AK7: variants seen among roughly 807,000 people sequenced by gnomAD.
The protein encoded by AK7 is ATP-AMP transphosphorylase 7.
In AK7, 78 loss-of-function variants were observed where a neutral mutation model predicts 96.6. The ratio of observed to expected loss-of-function variants is 0.81; its 90% CI spans 0.67 to 0.97. AK7 has a LOEUF of 0.97. Among genes scored for constraint, AK7 ranks in the 50% least tolerant of loss-of-function variants. The pLI, the probability that AK7 is intolerant of heterozygous loss-of-function variation, is 0.00. For synonymous variants in AK7, 302 were observed against 317.2 expected (o/e 0.95, Z 0.51); for missense variants, 855 against 887.9 (o/e 0.96, Z 0.47).
At chr14:96,406,084 T>C (rs555079924) in intron 3 of AK7, among the ~76,000 whole-genome samples, 8 of 151,952 alleles carry the variant, frequency 5.3e-5, no homozygotes, top group Non-Finnish European at 1.0e-4. Context: ...GGCAAGATCT[T>C]GCTCTGTCAC....
chr14:96,442,772 G>A lies in AK7; in HGVS notation c.733G>A (p.Asp245Asn), dbSNP rs750987024. The change falls in exon 7 of 18, where the codon GAT (aspartate) becomes AAT (asparagine). Residue 245 changes from aspartate (D) to asparagine (N), a missense_variant. By Grantham distance (23) the Asp-to-Asn change is conservative (BLOSUM62 1). Transcript: ENST00000267584. ...GATTCCTGCATTACCAGTTTTTGGCGATGGAACAAATGTAATTCCAACAAT... is the reference window on the plus strand; with the variant it reads ...GATTCCTGCATTACCAGTTTTTGGCAATGGAACAAATGTAATTCCAACAAT... The part of the protein sequence containing the change: ...GEIPALPVFG[D>N]GTNVIPTIHV... 8.7e-6 allele frequency: 14 copies of A among 1,614,076 alleles called. 1 individual carries two copies. In the East Asian group the frequency reaches 1.3e-4, roughly 15 times the overall value.
intron 15 of AK7, among the ~76,000 whole-genome samples, chr14:96,480,229 C>G (rs1895436835): frequency 6.6e-6 from 1 of 152,106 alleles, no homozygotes. Flanking sequence ...GTCAGGAGTT[C>G]AAGACCAGCA....
chr14:96,424,232 A>G, intron 5 of AK7: 1 of 458,246 alleles, frequency 2.2e-6, no homozygotes, highest in Non-Finnish European at 3.9e-6. Flanking sequence ...GGCCGAGCGG[A>G]GCGCGCAGCC....
At chr14:96,446,446 C>A in intron 7 of AK7, 71 bp from the exon 8 acceptor site, 2 of 1,295,072 alleles carry the variant, frequency 1.5e-6, no homozygotes, top group South Asian at 1.2e-5. Context: ...GGGTGGTGGT[C>A]AGTGAATTCT....
At chr14:96,455,778 T>C (rs1369930250) in intron 10 of AK7, among the ~76,000 whole-genome samples, 1 of 152,106 alleles carries the variant, frequency 6.6e-6, no homozygotes, top group African/African-American at 2.4e-5. Context: ...GAATACCTAC[T>C]GAATGAATGG....
intron 14 of AK7, among the ~76,000 whole-genome samples, chr14:96,475,096 C>A (rs1404759166): frequency 6.6e-6 from 1 of 152,250 alleles, no homozygotes; most frequent in Non-Finnish European, 1.5e-5. Flanking sequence ...GGCCACTGGA[C>A]TTTCCATTCT....
At chr14:96,427,788 T>G (rs1263933122) in intron 5 of AK7, among the ~76,000 whole-genome samples, 1 of 152,210 alleles carries the variant, frequency 6.6e-6, no homozygotes, top group Non-Finnish European at 1.5e-5. Flanking sequence ...CTAGATCCTA[T>G]AGGCATGTTT....
At chr14:96,462,624 G>A (rs1161794846) in intron 12 of AK7, among the ~76,000 whole-genome samples, 1 of 152,084 alleles carries the variant, frequency 6.6e-6, no homozygotes, top group Non-Finnish European at 1.5e-5. Context: ...CAAAAGCATT[G>A]TGAAATTACT....
chr14:96,394,651 C>CG (rs1466317127), intron 1 of AK7, among the ~76,000 whole-genome samples: 2 of 152,128 alleles, frequency 1.3e-5, no homozygotes, highest in Non-Finnish European at 2.9e-5. Flanking sequence ...CCTTGAACAA[C>CG]GCAGGGGTTA....
chr14:96,426,400 T>C (rs2140055786), intron 5 of AK7, among the ~76,000 whole-genome samples: 1 of 151,754 alleles, frequency 6.6e-6, no homozygotes, highest in African/African-American at 2.4e-5. Flanking sequence ...TAGTTATTAT[T>C]TTTTTTGGTT....
intron 15 of AK7, among the ~76,000 whole-genome samples, chr14:96,481,404 T>A (rs1895494476): frequency 6.6e-6 from 1 of 152,220 alleles, no homozygotes; most frequent in African/African-American, 2.4e-5. Context: ...TGAAGTGCAG[T>A]GGCGCAATCT....
chr14:96,465,915 C>G (rs1894537439), intron 12 of AK7, among the ~76,000 whole-genome samples: 1 of 147,472 alleles, frequency 6.8e-6, no homozygotes, highest in African/African-American at 2.5e-5. Flanking sequence ...GGGACTGAGG[C>G]AGGAGAATTG....
intron 15 of AK7, among the ~76,000 whole-genome samples, chr14:96,482,085 G>T (rs1895535340): frequency 6.6e-6 from 1 of 152,148 alleles, no homozygotes; most frequent in African/African-American, 2.4e-5. Flanking sequence ...ACTTGGTGGT[G>T]CTTCTGGTCT....
At chr14:96,439,393 G>T (rs561870116) in intron 6 of AK7, among the ~76,000 whole-genome samples, 7 of 152,066 alleles carry the variant, frequency 4.6e-5, no homozygotes, top group Non-Finnish European at 8.8e-5. Context: ...AATATTTTTG[G>T]CCGACTCACG....
chr14:96,441,041 G>A (rs1455525127), intron 6 of AK7, among the ~76,000 whole-genome samples: 2 of 152,042 alleles, frequency 1.3e-5, no homozygotes, highest in African/African-American at 2.4e-5. Context: ...AGGCAAGCGG[G>A]CACATTCTTT....
In AK7 at chr14:96,442,734, C is replaced by T. The variant is rs1210898228; in HGVS notation, c.695C>T (p.Ala232Val). The T allele has an allele frequency of 6.2e-7, 1 of 1,614,010 alleles. No homozygotes were observed. Reference protein sequence around the residue: ...GGMLHTFFKMAWLGEIPALPV... With the variant: ...GGMLHTFFKMVWLGEIPALPV... Reference sequence around the variant, plus strand: ...TTTTGCTTTTCTTCCTTTCAGATGGCTTGGTTGGGCGAGATTCCTGCATTA... The same window carrying T: ...TTTTGCTTTTCTTCCTTTCAGATGGTTTGGTTGGGCGAGATTCCTGCATTA... The change falls in exon 7 of 18, where the codon GCT becomes GTT. Residue 232 changes from alanine to valine, a missense_variant. Ala to Val is a moderately conservative substitution (Grantham distance 64). Coordinates refer to ENST00000267584, the MANE Select transcript of AK7 (RefSeq NM_152327.5).
intron 4 of AK7, 26 bp downstream of exon 4, chr14:96,408,967 A>C: frequency 6.2e-7 from 1 of 1,609,696 alleles, no homozygotes; most frequent in Non-Finnish European, 8.5e-7. Context: ...GCTTTCCTTT[A>C]GGTAACATTT....
chr14:96,458,934 A>G (rs111799059), intron 12 of AK7, among the ~76,000 whole-genome samples: 34,616 of 124,910 alleles, frequency 0.28, 6,032 homozygotes, highest in South Asian at 0.36. Flanking sequence ...AAAAAAAAAA[A>G]AAAAGGTGAA....
At chr14:96,432,266 G>A (rs548941788) in intron 5 of AK7, among the ~76,000 whole-genome samples, 124 of 98,180 alleles carry the variant, frequency 1.3e-3, no homozygotes, top group Admixed American at 1.8e-3. Flanking sequence ...CGTTTATTTT[G>A]AGCCTATGTG....
Sources: allele counts gnomAD v4.1 joint callset (sites outside exome capture counted in the v4.1 genomes callset), GRCh38; gene constraint gnomAD v4.1.1; transcripts MANE v1.5; gene names NCBI Gene and HGNC (gene_info 2026-07-23, HGNC 2026-07-21).